The following ZFR2 variants were observed in gnomAD, a reference collection of about 807,000 sequenced individuals.
ZFR2 encodes zinc finger RNA binding protein 2.
In ZFR2, 104 loss-of-function variants were observed where a neutral mutation model predicts 105.7. That is an observed-to-expected ratio of 0.98 (90% confidence interval 0.84 to 1.16). The LOEUF is 1.16. Among genes scored for constraint, ZFR2 ranks in the 50% most tolerant of loss-of-function variants. The probability of loss-of-function intolerance (pLI) is 0.00; values close to 1 mark genes in which losing one functional copy is unlikely to be tolerated. For synonymous variants in ZFR2, 634 were observed against 597.7 expected (o/e 1.06, Z -0.89); for missense variants, 1,425 against 1,355.5 (o/e 1.05, Z -0.80).
chr19:3,815,220 G>T (rs2037812466), intron 13 of ZFR2, among the ~76,000 whole-genome samples: 1 of 152,054 alleles, frequency 6.6e-6, no homozygotes, highest in African/African-American at 2.4e-5. Context: ...CTCCTGAGTA[G>T]CTGGGATTAC....
chr19:3,826,252 G>A (rs892896778), intron 6 of ZFR2, among the ~76,000 whole-genome samples: 7 of 151,978 alleles, frequency 4.6e-5, no homozygotes, highest in Non-Finnish European at 7.4e-5. Flanking sequence ...GTCCTGAGCC[G>A]AGCCAGGGAA....
Position 3,806,088 on chromosome 19 carries a change from T to C in ZFR2, c.2681A>G (p.Lys894Arg), listed in dbSNP as rs1312822519. ...LRMLAFRQTH[K>R]VLGMDLLPPR... Reference sequence around the variant, plus strand: ...CGGCAGGAGATCCATGCCCAGGACCTTGTGGGTCTGCCGGAAGGCCAGCAT... The same window carrying C: ...CGGCAGGAGATCCATGCCCAGGACCCTGTGGGTCTGCCGGAAGGCCAGCAT... Residue 894 changes from lysine to arginine, a missense_variant, in exon 19 of 19, where the codon AAG (lysine) becomes AGG (arginine). Coordinates refer to ENST00000262961, the MANE Select transcript of ZFR2 (RefSeq NM_015174.2). 6.7e-6 allele frequency: 10 copies of C among 1,499,400 alleles called. No individual in the cohort carries two copies. Among genetic ancestry groups the C allele is most frequent in the Non-Finnish European group, 8.9e-6 (10 of 1,124,426 alleles). The allele number at this position is 1,499,400 out of a possible 1,614,324, so 92.9% of individuals were successfully genotyped here.
At chr19:3,852,169 G>A (rs2038245340) in intron 1 of ZFR2, 1 of 440,880 alleles carries the variant, frequency 2.3e-6, no homozygotes, top group Non-Finnish European at 4.1e-6. Context: ...GCGGGGCTCA[G>A]CTGGGTGGCT....
chr19:3,841,601 C>T (rs923017036), intron 1 of ZFR2, among the ~76,000 whole-genome samples: 4 of 151,852 alleles, frequency 2.6e-5, no homozygotes, highest in Non-Finnish European at 5.9e-5. Context: ...GGGAGGGTCA[C>T]TTGAGCCCAG....
At chr19:3,848,733 T>A (rs1474849938) in intron 1 of ZFR2, among the ~76,000 whole-genome samples, 4 of 149,736 alleles carry the variant, frequency 2.7e-5, no homozygotes, top group African/African-American at 9.9e-5. Flanking sequence ...GGCTCACGCC[T>A]GTAATCCCAG....
intron 14 of ZFR2, among the ~76,000 whole-genome samples, chr19:3,812,084 C>CCGG (rs2037771443): frequency 6.6e-6 from 1 of 152,084 alleles, no homozygotes; most frequent in South Asian, 2.1e-4. Flanking sequence ...GCTGGGATTA[C>CCGG]CGGCGCACGC....
intron 1 of ZFR2, among the ~76,000 whole-genome samples, chr19:3,868,404 C>G (rs1036490934): frequency 2.0e-5 from 3 of 150,548 alleles, no homozygotes; most frequent in African/African-American, 7.3e-5. Flanking sequence ...CCCCTCTGCC[C>G]TTCCCCTCCT....
At chr19:3,840,429 G>T (rs995312761) in intron 1 of ZFR2, among the ~76,000 whole-genome samples, 2 of 151,988 alleles carry the variant, frequency 1.3e-5, no homozygotes, top group Admixed American at 6.6e-5. Context: ...TAGAGACGAG[G>T]TTTCACCATG....
Position 3,823,199 on chromosome 19 carries a change from AG to A in ZFR2, c.1371+46del. On this transcript the variant is annotated intron_variant, in intron 8 of 18. Transcript: ENST00000262961. The surrounding 1 kb of genome is among the most constrained non-coding windows in gnomAD (Gnocchi z 5.4). Reference sequence around the variant, plus strand: ...AGGTCTCGAAGCCTGATCCATGGGAAGGTCCTTCCCTGACCGGGGCACCAGG... The same window carrying A: ...AGGTCTCGAAGCCTGATCCATGGGAAGTCCTTCCCTGACCGGGGCACCAGG... 1 of 1,612,558 alleles carries A rather than the reference AG, an allele frequency of 6.2e-7. No homozygotes were observed.
intron 10 of ZFR2, among the ~76,000 whole-genome samples, chr19:3,820,575 C>T (rs2037879106): frequency 6.6e-6 from 1 of 152,154 alleles, no homozygotes. Context: ...AGACCTGCTG[C>T]TGCTGGACAC....
chr19:3,846,068 C>T (rs2038181755), intron 1 of ZFR2, among the ~76,000 whole-genome samples: 1 of 152,256 alleles, frequency 6.6e-6, no homozygotes, highest in Non-Finnish European at 1.5e-5. Context: ...CCTCTGCCCC[C>T]CAGGTTCAAG....
Position 3,850,257 on chromosome 19 carries a change from G to A in ZFR2, c.54-15274C>T, listed in dbSNP as rs528903170. Among the ~76,000 whole-genome samples the A allele has an allele frequency of 4.6e-5, 7 of 152,240 alleles. No homozygotes were observed. In the East Asian group the frequency reaches 5.8e-4, roughly 13 times the overall value. ...CTGGGATTTCAAAGAGGAGGGGCTCGCTGAGAGGAGCGTGGGAGAAATGAG... is the reference window on the plus strand; with the variant it reads ...CTGGGATTTCAAAGAGGAGGGGCTCACTGAGAGGAGCGTGGGAGAAATGAG... On this transcript the variant is annotated intron_variant, in intron 1 of 18. Coordinates refer to ENST00000262961, the MANE Select transcript of ZFR2 (RefSeq NM_015174.2).
At chr19:3,847,810 G>A (rs75407050) in intron 1 of ZFR2, among the ~76,000 whole-genome samples, 1,704 of 152,216 alleles carry the variant, frequency 0.011, 35 homozygotes, top group African/African-American at 0.039. Context: ...CACCCACAAG[G>A]CACTAAGAGT....
In ZFR2 at chr19:3,823,300, T is replaced by A; in HGVS notation, c.1317A>T (p.Glu439Asp). Residue 439 changes from glutamate to aspartate, a missense_variant, in exon 8 of 19, where the codon GAA becomes GAT. Physicochemically the swap from Glu to Asp is conservative, Grantham distance 45. Transcript: ENST00000262961. The surrounding 1 kb of genome is among the most constrained non-coding windows in gnomAD (Gnocchi z 5.4). ...GCGCATCAGAGCAGCCCGCGGGAGC[T>A]TCCTTTGAGCCTCCTTGGGTAGGTG... is the stretch of plus-strand genomic sequence containing the variant. ...PGAPTQGGSK[E>D]APAGCSDAQP... 6.2e-7 allele frequency: 1 copy of A among 1,614,002 alleles called. No homozygotes were observed. The highest frequency in any genetic ancestry group is 8.5e-7 in the Non-Finnish European group (1 of 1,179,884).
chr19:3,813,751 C>G lies in ZFR2; in HGVS notation c.2242+69G>C. The G allele has an allele frequency of 1.9e-6, 3 of 1,589,896 alleles. No individual in the cohort carries two copies. Among genetic ancestry groups the G allele is most frequent in the Non-Finnish European group, 2.6e-6 (3 of 1,166,494 alleles). On this transcript the variant is annotated intron_variant, in intron 14 of 18. Transcript: ENST00000262961. This position sits in a 1 kb window ranked among gnomAD's most constrained non-coding sequence, Gnocchi z 4.4. ...GGGCAGAGGCGGACGCTGCCCCAGG[C>G]CTGGGTGTGGGGAGCGCCCTGGGGA...
chr19:3,868,796 C>G (rs1280476497), intron 1 of ZFR2, among the ~76,000 whole-genome samples, 169 bp downstream of exon 1: 3 of 152,156 alleles, frequency 2.0e-5, no homozygotes, highest in Non-Finnish European at 2.9e-5. Context: ...TAACCTGAGG[C>G]CGCCCCGCCT....
At chr19:3,851,102 TG>T (rs2038233404) in intron 1 of ZFR2, among the ~76,000 whole-genome samples, 1 of 151,454 alleles carries the variant, frequency 6.6e-6, no homozygotes, top group Non-Finnish European at 1.5e-5. Flanking sequence ...CCTCAGTCTG[TG>T]GTATTGTTAG....
intron 1 of ZFR2, chr19:3,855,285 G>C (rs2038283901): frequency 1.2e-6 from 1 of 842,130 alleles, no homozygotes; most frequent in East Asian, 3.3e-5. Flanking sequence ...GAACAAAGGA[G>C]GCCATCTTCT....
chr19:3,844,492 G>A (rs558504864), intron 1 of ZFR2, among the ~76,000 whole-genome samples: 4 of 151,626 alleles, frequency 2.6e-5, no homozygotes, highest in Non-Finnish European at 5.9e-5. Context: ...CTCGGCCTCC[G>A]GAGTATCTGG....
Sources: allele counts gnomAD v4.1 joint callset (sites outside exome capture counted in the v4.1 genomes callset), GRCh38; gene constraint gnomAD v4.1.1; non-coding constraint Gnocchi (gnomAD v3.1); transcripts MANE v1.5; gene names NCBI Gene and HGNC (gene_info 2026-07-23, HGNC 2026-07-21).